The following CTPS2 variants were observed in gnomAD, a reference collection of about 807,000 sequenced individuals.
CTPS2 encodes CTP synthase 2.
Under a neutral mutation model 46.8 loss-of-function variants are expected in CTPS2, and 19 were observed. The ratio of observed to expected loss-of-function variants is 0.41; its 90% confidence interval spans 0.28 to 0.60. CTPS2 has a LOEUF of 0.60. CTPS2 is among the 20% of genes least tolerant of loss of function. The pLI is 0.35. For synonymous variants in CTPS2, 151 were observed against 165.2 expected (o/e 0.91, Z 0.66); for missense variants, 286 against 447.6 (o/e 0.64, Z 3.26).
At chrX:16,606,906 C>T (rs1242430772) in intron 17 of CTPS2, among the ~76,000 whole-genome samples, 1 of 112,250 alleles carries the variant, frequency 8.9e-6, no homozygotes, top group Non-Finnish European at 1.9e-5. Context: ...CGTGTGCCAC[C>T]ACGTCTGGCT....
chrX:16,692,817 G>A (rs1022387708), intron 6 of CTPS2, among the ~76,000 whole-genome samples: 2 of 110,781 alleles, frequency 1.8e-5, no homozygotes, highest in African/African-American at 6.6e-5. Flanking sequence ...AAGCACTTTG[G>A]GAGGCTGAGG....
intron 7 of CTPS2, among the ~76,000 whole-genome samples, chrX:16,691,234 G>A (rs1923669088): frequency 8.9e-6 from 1 of 111,919 alleles, no homozygotes; most frequent in African/African-American, 3.2e-5. Context: ...TAAGAGAATT[G>A]CTTGAACCCA....
In CTPS2 at chrX:16,598,826, C is replaced by T. The variant is rs12556028; in HGVS notation, c.1692-7964G>A. 6.1e-3 allele frequency among the ~76,000 whole-genome samples: 679 copies of T among 111,336 alleles called. 18 individuals are homozygous for T. The highest frequency in any genetic ancestry group is 0.054 in the Admixed American group (566 of 10,434). On this transcript the variant is annotated intron_variant, in intron 17 of 18. Transcript: ENST00000359276. ...AATCCTCAGTAAAATACTAGCAAAC[C>T]GAATCCAGCAGCACATCAAAAAGCT...
chrX:16,601,572 CGGG>C (rs5901589), intron 17 of CTPS2, among the ~76,000 whole-genome samples: 18,736 of 70,654 alleles, frequency 0.27, 1,660 homozygotes, highest in Middle Eastern at 0.37. Flanking sequence ...GGGAAGCCAT[CGGG>C]GGGGGGGGGG....
At chrX:16,596,341 C>CT (rs1171637286) in intron 17 of CTPS2, among the ~76,000 whole-genome samples, 1 of 103,618 alleles carries the variant, frequency 9.7e-6, no homozygotes, top group African/African-American at 3.5e-5. Flanking sequence ...TCCCTCCCCC[C>CT]TCCCCCTAAC....
chrX:16,595,944 A>T (rs1206330923), intron 17 of CTPS2, among the ~76,000 whole-genome samples: 1 of 112,423 alleles, frequency 8.9e-6, no homozygotes, highest in Non-Finnish European at 1.9e-5. Flanking sequence ...ATCACAGCTT[A>T]CTGCAGCCTC....
intron 10 of CTPS2, among the ~76,000 whole-genome samples, chrX:16,672,313 G>A (rs1293543128): frequency 9.0e-6 from 1 of 111,484 alleles, no homozygotes; most frequent in Admixed American, 9.5e-5. Context: ...ATCCCTTCAC[G>A]ACCGACAAGC....
At position 16,693,539 on chromosome X, in the gene CTPS2, C is replaced by T. The variant is rs779279437; in HGVS notation, c.439-52G>A. 39 of 783,357 alleles carry T rather than the reference C, an allele frequency of 5.0e-5. No individual in the cohort carries two copies. The South Asian group carries it at 5.8e-4, about 12-fold the overall frequency. The allele number at this position is 783,357 out of a possible 1,213,427, so 64.6% of individuals were successfully genotyped here. On this transcript the variant is annotated intron_variant, in intron 4 of 18. Coordinates refer to ENST00000359276, the MANE Select transcript of CTPS2 (RefSeq NM_175859.3). ...GACACAAATGACCACACATCTCCCACAGTACACAAGCTAATAAAAAGAGTT... is the reference window on the plus strand; with the variant it reads ...GACACAAATGACCACACATCTCCCATAGTACACAAGCTAATAAAAAGAGTT...
chrX:16,670,702 C>G, intron 10 of CTPS2, 28 bp from the exon 11 acceptor site: 1 of 1,053,808 alleles, frequency 9.5e-7, no homozygotes, highest in South Asian at 2.1e-5. Flanking sequence ...TGAGGGTAAA[C>G]TTGACTATCC....
chrX:16,657,556 C>T (rs1415188758), intron 13 of CTPS2, among the ~76,000 whole-genome samples: 1 of 111,194 alleles, frequency 9.0e-6, no homozygotes, highest in Admixed American at 9.6e-5. Flanking sequence ...TCATTGGTTA[C>T]GTGCTTCAAG....
intron 14 of CTPS2, among the ~76,000 whole-genome samples, chrX:16,633,752 T>C (rs748312972): frequency 1.8e-5 from 2 of 111,993 alleles, no homozygotes; most frequent in Non-Finnish European, 3.8e-5. Flanking sequence ...TTTCCATTAA[T>C]ACAGCAAGAA....
At chrX:16,699,966 G>A (rs1394039346) in intron 2 of CTPS2, among the ~76,000 whole-genome samples, 1 of 103,385 alleles carries the variant, frequency 9.7e-6, no homozygotes, top group Non-Finnish European at 2.0e-5. Context: ...ACAGAGTTTC[G>A]CTGTCAACCA....
intron 14 of CTPS2, among the ~76,000 whole-genome samples, chrX:16,623,241 A>G (rs953530191): frequency 8.9e-6 from 1 of 112,111 alleles, no homozygotes; most frequent in African/African-American, 3.2e-5. Context: ...CTCCTCAAGC[A>G]TTTATCCTTT....
intron 17 of CTPS2, among the ~76,000 whole-genome samples, chrX:16,593,678 G>A (rs1434812353): frequency 2.9e-5 from 3 of 104,856 alleles, no homozygotes; most frequent in African/African-American, 7.0e-5. Flanking sequence ...CAAAAACAGC[G>A]TAGGTGGTGG....
At chrX:16,709,911 T>A (rs1300810452) in intron 1 of CTPS2, among the ~76,000 whole-genome samples, 1 of 105,643 alleles carries the variant, frequency 9.5e-6, no homozygotes, top group Non-Finnish European at 1.9e-5. Context: ...ATACACCATG[T>A]TATGTCTTAA....
chrX:16,665,280 A>G (rs1446583722), intron 13 of CTPS2, among the ~76,000 whole-genome samples: 1 of 112,435 alleles, frequency 8.9e-6, no homozygotes, highest in African/African-American at 3.2e-5. Flanking sequence ...CAGAAATTCC[A>G]CTCCTGGTGA....
intron 14 of CTPS2, among the ~76,000 whole-genome samples, chrX:16,630,660 G>C (rs1412493056): frequency 9.0e-6 from 1 of 111,401 alleles, no homozygotes; most frequent in Admixed American, 9.6e-5. Flanking sequence ...CTCTCCTCGA[G>C]CCTGTGGGTC....
In CTPS2 at chrX:16,691,256, T is replaced by C. The variant is rs190140700; in HGVS notation, c.720+284A>G. On this transcript the variant is annotated intron_variant, in intron 7 of 18. Coordinates refer to ENST00000359276, the MANE Select transcript of CTPS2 (RefSeq NM_175859.3). ...ATTGCTTGAACCCAGGAGGCAGAGGTTGCGGTGAGCTGAGATCATGCCACT... is the reference window on the plus strand; with the variant it reads ...ATTGCTTGAACCCAGGAGGCAGAGGCTGCGGTGAGCTGAGATCATGCCACT... 4.1e-3 allele frequency among the ~76,000 whole-genome samples: 452 copies of C among 111,495 alleles called. 2 individuals are homozygous for C. The highest frequency in any genetic ancestry group is 0.014 in the African/African-American group (432 of 30,739).
At chrX:16,697,432 CTTTTTT>C (rs5901594) in intron 4 of CTPS2, among the ~76,000 whole-genome samples, 3 of 59,596 alleles carry the variant, frequency 5.0e-5, no homozygotes, top group Middle Eastern at 9.3e-3. Flanking sequence ...TCAAATACGA[CTTTTTT>C]TTTTTTTTTT....
Sources: allele counts gnomAD v4.1 joint callset (sites outside exome capture counted in the v4.1 genomes callset), GRCh38; gene constraint gnomAD v4.1.1; transcripts MANE v1.5; gene names NCBI Gene and HGNC (gene_info 2026-07-23, HGNC 2026-07-21).